QRICH1: variants seen among roughly 807,000 people sequenced by gnomAD.
The protein encoded by QRICH1 is glutamine rich 1, also known as transcriptional regulator QRICH1.
Under a neutral mutation model 87.1 loss-of-function variants are expected in QRICH1, and 16 were observed. The ratio of observed to expected loss-of-function variants is 0.18; its 90% CI spans 0.12 to 0.28. QRICH1 has a LOEUF of 0.28. Among genes scored for constraint, QRICH1 ranks in the 10% least tolerant of loss-of-function variants. The probability of loss-of-function intolerance (pLI) is 1.00; values close to 1 mark genes in which losing one functional copy is unlikely to be tolerated. For synonymous variants in QRICH1, 367 were observed against 368.4 expected (o/e 1.00, Z 0.05); for missense variants, 647 against 951.7 (o/e 0.68, Z 4.21).
chr3:49,039,920 G>T (rs1006829564), intron 6 of QRICH1, among the ~76,000 whole-genome samples: 1 of 152,012 alleles, frequency 6.6e-6, no homozygotes, highest in Non-Finnish European at 1.5e-5. Flanking sequence ...AAATTAGCTG[G>T]GCGTGGGGCA....
At chr3:49,067,279 A>G (rs1279650461) in intron 2 of QRICH1, among the ~76,000 whole-genome samples, 1 of 152,082 alleles carries the variant, frequency 6.6e-6, no homozygotes, top group Non-Finnish European at 1.5e-5. Context: ...TTAAGAGTAA[A>G]TTTAACGGCT....
chr3:49,085,960 T>G (rs1040834039), intron 1 of QRICH1, among the ~76,000 whole-genome samples: 1 of 152,024 alleles, frequency 6.6e-6, no homozygotes, highest in African/African-American at 2.4e-5. Context: ...AATAAAGAAA[T>G]TAATTAAAGT....
At chr3:49,055,357 T>A (rs549103612) in intron 3 of QRICH1, among the ~76,000 whole-genome samples, 4 of 152,140 alleles carry the variant, frequency 2.6e-5, no homozygotes, top group South Asian at 2.1e-4. Context: ...AGGCCCTATA[T>A]CCCACTCTAA....
intron 6 of QRICH1, among the ~76,000 whole-genome samples, chr3:49,042,124 T>C (rs2093314198): frequency 6.8e-6 from 1 of 146,378 alleles, no homozygotes; most frequent in African/African-American, 2.5e-5. Flanking sequence ...CGGGGCAGAC[T>C]CTTGCTCTTG....
intron 6 of QRICH1, among the ~76,000 whole-genome samples, chr3:49,040,955 A>G (rs2093306386): frequency 6.6e-6 from 1 of 152,142 alleles, no homozygotes; most frequent in African/African-American, 2.4e-5. Flanking sequence ...CAACTCTCTG[A>G]TGACACCTGA....
chr3:49,078,624 T>A (rs2041998870), intron 1 of QRICH1, among the ~76,000 whole-genome samples: 1 of 149,826 alleles, frequency 6.7e-6, no homozygotes, highest in South Asian at 2.1e-4. Flanking sequence ...CTCGATCTCC[T>A]GACCTCGTGA....
At position 49,073,626 on chromosome 3, in the gene QRICH1, A is replaced by AT. The variant is rs1267747317; in HGVS notation, c.309+3082dup. Among the ~76,000 whole-genome samples the AT allele has an allele frequency of 7.3e-5, 11 of 150,676 alleles. No homozygotes were observed. The East Asian group carries it at 1.9e-3, about 27-fold the overall frequency. Reference sequence around the variant, plus strand: ...AGAAAGTTTATCATCAATTAGCATTATTTTTTTGTGCCTTACAATTTTTAT... The same window carrying AT: ...AGAAAGTTTATCATCAATTAGCATTATTTTTTTTGTGCCTTACAATTTTTAT... On this transcript the variant is annotated intron_variant, in intron 2 of 9. Coordinates refer to ENST00000395443, the MANE Select transcript of QRICH1 (RefSeq NM_198880.3).
intron 1 of QRICH1, among the ~76,000 whole-genome samples, chr3:49,090,422 G>A (rs1393035090): frequency 1.4e-5 from 2 of 144,062 alleles, no homozygotes; most frequent in African/African-American, 5.2e-5. Flanking sequence ...TCGTGCCACT[G>A]CACTCCAGCC....
chr3:49,040,524 C>T (rs559153724), intron 6 of QRICH1, among the ~76,000 whole-genome samples: 1 of 152,244 alleles, frequency 6.6e-6, no homozygotes, highest in South Asian at 2.1e-4. Flanking sequence ...TACTATAGTG[C>T]AAGCTCCATT....
chr3:49,057,246 G>A lies in QRICH1; in HGVS notation c.954C>T (p.Pro318=). The change falls in exon 3 of 10, where the codon CCC becomes CCT. Residue 318 remains proline, a synonymous_variant. Transcript: ENST00000395443. The surrounding 1 kb of genome is among the most constrained non-coding windows in gnomAD (Gnocchi z 5.4). ...TWTIPVYSAQ[P]RGDPQQQSIT... ...TGCTCTGCTGCTGAGGGTCCCCCCGGGGCTGGGCAGAATAAACAGGGATGG... is the reference window on the plus strand; with the variant it reads ...TGCTCTGCTGCTGAGGGTCCCCCCGAGGCTGGGCAGAATAAACAGGGATGG... 6.2e-7 allele frequency: 1 copy of A among 1,614,208 alleles called. No homozygotes were observed. Among genetic ancestry groups the A allele is most frequent in the Non-Finnish European group, 8.5e-7 (1 of 1,180,032 alleles).
intron 5 of QRICH1, 35 bp downstream of exon 5, chr3:49,046,390 G>C: frequency 1.9e-6 from 3 of 1,591,450 alleles, no homozygotes; most frequent in Non-Finnish European, 2.6e-6. Context: ...TAGGAACACA[G>C]CTCAAACATG....
At chr3:49,069,164 C>T (rs1160478508) in intron 2 of QRICH1, among the ~76,000 whole-genome samples, 2 of 142,922 alleles carry the variant, frequency 1.4e-5, no homozygotes, top group Admixed American at 7.4e-5. Context: ...AGTGCAGTGG[C>T]GCAATCTTGG....
At chr3:49,092,707 T>A (rs578228140) in intron 1 of QRICH1, among the ~76,000 whole-genome samples, 11 of 152,188 alleles carry the variant, frequency 7.2e-5, no homozygotes, top group African/African-American at 2.6e-4. Context: ...ACCTAGAACT[T>A]CCTTGACACC....
intron 3 of QRICH1, among the ~76,000 whole-genome samples, chr3:49,055,617 C>T (rs1048347868): frequency 2.6e-5 from 4 of 152,210 alleles, no homozygotes; most frequent in African/African-American, 9.7e-5. Flanking sequence ...CCCACCTCAG[C>T]CTCCCAGACT....
At position 49,032,169 on chromosome 3, in the gene QRICH1, CAATA is replaced by C. The variant is rs1204604451; in HGVS notation, c.2138+10_2138+13del. Reference sequence around the variant, plus strand: ...ATGCGCACACATGGACAGCAAGTCACAATAAAGCCTCACCATTTGAAGAGGTAGA... The same window carrying C: ...ATGCGCACACATGGACAGCAAGTCACAAGCCTCACCATTTGAAGAGGTAGA... On this transcript the variant is annotated intron_variant, in intron 9 of 9. Coordinates refer to ENST00000395443, the MANE Select transcript of QRICH1 (RefSeq NM_198880.3). The C allele has an allele frequency of 1.3e-5, 20 of 1,593,448 alleles. No individual in the cohort carries two copies. The highest frequency in any genetic ancestry group is 1.7e-5 in the Non-Finnish European group (20 of 1,161,300).
Position 49,030,624 on chromosome 3 carries a change from C to T in QRICH1, c.2159G>A (p.Arg720Gln), listed in dbSNP as rs1559920341. Residue 720 changes from arginine (R) to glutamine (Q), a missense_variant, in exon 10 of 10, where the codon CGG becomes CAG. Physicochemically the swap from Arg to Gln is conservative, Grantham distance 43 (BLOSUM62 1). Transcript: ENST00000395443. The part of the protein sequence containing the change: ...LFKCPQSVKG[R>Q]NDTFYLTPEP... ...AGGTGTCAGGTAAAAGGTGTCATTC[C>T]GGCCTTTCACACTCTGGGGGCTGAA... The T allele has an allele frequency of 1.3e-6, 2 of 1,586,520 alleles. No homozygotes were observed. The highest frequency in any genetic ancestry group is 2.3e-5 in the East Asian group (1 of 43,354).
At chr3:49,059,125 C>T (rs886084248) in intron 2 of QRICH1, among the ~76,000 whole-genome samples, 1 of 151,556 alleles carries the variant, frequency 6.6e-6, no homozygotes, top group African/African-American at 2.4e-5. Flanking sequence ...CCACACCCGG[C>T]TAATTTTTTT....
intron 1 of QRICH1, among the ~76,000 whole-genome samples, chr3:49,081,801 G>A (rs1468878251): frequency 6.6e-6 from 1 of 151,084 alleles, no homozygotes; most frequent in African/African-American, 2.4e-5. Context: ...ATGCCTGGCC[G>A]AAGCCTTCTA....
intron 7 of QRICH1, 79 bp downstream of exon 7, chr3:49,033,041 G>T: frequency 8.7e-7 from 1 of 1,152,104 alleles, no homozygotes; most frequent in Non-Finnish European, 1.2e-6. Flanking sequence ...ATATGTCAGA[G>T]GAATTCAGAA....
Sources: gnomAD v4.1 joint callset for allele counts (sites outside exome capture counted in the v4.1 genomes callset) on GRCh38, gnomAD v4.1.1 for gene constraint, Gnocchi (gnomAD v3.1) non-coding constraint, MANE v1.5 for transcripts, NCBI Gene and HGNC (gene_info 2026-07-23, HGNC 2026-07-21) for gene names.